Variants in ANKS1B observed in about 807,000 individuals in gnomAD.
ANKS1B encodes the protein ankyrin repeat and sterile alpha motif domain containing 1B.
In ANKS1B, 36 loss-of-function variants were observed where a neutral mutation model predicts 148.3. The ratio of observed to expected loss-of-function variants is 0.24; its 90% CI spans 0.19 to 0.32. ANKS1B has a LOEUF of 0.32. ANKS1B is among the 10% of genes least tolerant of loss of function. The probability of loss-of-function intolerance (pLI) is 1.00; values close to 1 mark genes in which losing one functional copy is unlikely to be tolerated. For missense variants in ANKS1B, 1,157 were observed against 1,542.6 expected, an observed-to-expected ratio of 0.75 and a Z score of 4.19; for synonymous variants, 542 against 560.8, an observed-to-expected ratio of 0.97 and a Z score of 0.47.
chr12:99,801,288 C>T (rs1221522054), intron 4 of ANKS1B, among the ~76,000 whole-genome samples: 1 of 152,140 alleles, frequency 6.6e-6, no homozygotes, highest in Admixed American at 6.6e-5. Flanking sequence ...GGCTAACTTA[C>T]AGCATCAAAC....
At chr12:99,856,932 G>C (rs1345036764) in intron 1 of ANKS1B, among the ~76,000 whole-genome samples, 1 of 152,164 alleles carries the variant, frequency 6.6e-6, no homozygotes, top group Non-Finnish European at 1.5e-5. Context: ...ACATTATACT[G>C]AACAGGAAAA....
chr12:99,659,954 T>C (rs1371676063), intron 8 of ANKS1B, among the ~76,000 whole-genome samples: 2 of 152,104 alleles, frequency 1.3e-5, no homozygotes, highest in Non-Finnish European at 2.9e-5. Flanking sequence ...TGTTCAAGAT[T>C]GTCAATGCAA....
At chr12:98,822,372 A>C (rs569568020) in intron 19 of ANKS1B, among the ~76,000 whole-genome samples, 1 of 152,208 alleles carries the variant, frequency 6.6e-6, no homozygotes, top group African/African-American at 2.4e-5. Context: ...AGGGCAGATT[A>C]TAACAGCCAA....
intron 12 of ANKS1B, among the ~76,000 whole-genome samples, chr12:99,364,856 A>G (rs1364800949): frequency 1.3e-5 from 2 of 152,200 alleles, no homozygotes; most frequent in South Asian, 2.1e-4. Flanking sequence ...ACTGCCACCA[A>G]TGAGGAAGAT....
chr12:99,369,983 A>G (rs1393738602), intron 12 of ANKS1B, among the ~76,000 whole-genome samples: 1 of 152,288 alleles, frequency 6.6e-6, no homozygotes, highest in East Asian at 1.9e-4. Context: ...ACTGTTTGAA[A>G]ATTTTAGTTA....
intron 12 of ANKS1B, among the ~76,000 whole-genome samples, chr12:99,312,017 T>C (rs1459553634): frequency 6.6e-6 from 1 of 152,158 alleles, no homozygotes; most frequent in Non-Finnish European, 1.5e-5. Context: ...GAGAGTGTAC[T>C]CGAAGCATTT....
intron 17 of ANKS1B, among the ~76,000 whole-genome samples, chr12:98,885,037 T>G (rs1292146198): frequency 6.6e-6 from 1 of 152,096 alleles, no homozygotes; most frequent in Admixed American, 6.5e-5. Flanking sequence ...GGCCCCAAAT[T>G]TAGAAGTCAT....
intron 17 of ANKS1B, among the ~76,000 whole-genome samples, chr12:99,022,630 C>T (rs1368046017): frequency 1.3e-5 from 2 of 152,060 alleles, no homozygotes; most frequent in Non-Finnish European, 2.9e-5. Context: ...AAGTGGCCAT[C>T]TGTGTTTTGT....
chr12:98,872,992 A>T (rs2099675887), intron 17 of ANKS1B, among the ~76,000 whole-genome samples: 3 of 152,332 alleles, frequency 2.0e-5, no homozygotes, highest in South Asian at 4.1e-4. Context: ...AGGAGGATTT[A>T]GGATAAGCTG....
intron 9 of ANKS1B, among the ~76,000 whole-genome samples, chr12:99,619,746 C>A (rs535887707): frequency 1.3e-5 from 2 of 152,288 alleles, no homozygotes; most frequent in South Asian, 2.1e-4. Flanking sequence ...CTGCCCTCAT[C>A]CCCCTGCAGA....
At chr12:99,620,349 G>C (rs1270194550) in intron 9 of ANKS1B, among the ~76,000 whole-genome samples, 1 of 152,070 alleles carries the variant, frequency 6.6e-6, no homozygotes, top group African/African-American at 2.4e-5. Flanking sequence ...ACCACCAAAG[G>C]ATCACACTAG....
intron 9 of ANKS1B, among the ~76,000 whole-genome samples, chr12:99,541,221 C>T (rs555930365): frequency 2.4e-4 from 36 of 152,044 alleles, no homozygotes; most frequent in African/African-American, 7.5e-4. Flanking sequence ...CTCACAAATG[C>T]TTCTTTAAAA....
At chr12:99,843,417 ACCCTCC>A in intron 1 of ANKS1B, among the ~76,000 whole-genome samples, 1 of 151,210 alleles carries the variant, frequency 6.6e-6, no homozygotes, top group South Asian at 2.1e-4. Context: ...CTCACCCCCA[ACCCTCC>A]AACAGGCCCT....
chr12:99,698,973 G>GTGTGTGTGTGTGTGTGTGTGT (rs56223205), intron 8 of ANKS1B, among the ~76,000 whole-genome samples: 21 of 119,436 alleles, frequency 1.8e-4, no homozygotes, highest in African/African-American at 6.7e-4. Flanking sequence ...TGTGTGTGTG[G>GTGTGTGTGTGTGTGTGTGTGT]GTGTGCACGC....
chr12:99,160,005 T>C (rs932855738), intron 14 of ANKS1B, among the ~76,000 whole-genome samples: 1 of 152,248 alleles, frequency 6.6e-6, no homozygotes, highest in African/African-American at 2.4e-5. Flanking sequence ...CGTATGTTTG[T>C]TGGCCACTTG....
At chr12:99,154,226 G>A in intron 15 of ANKS1B, 63 bp downstream of exon 15, 1 of 1,596,830 alleles carries the variant, frequency 6.3e-7, no homozygotes, top group Non-Finnish European at 8.6e-7. Flanking sequence ...TCTGAGCCAT[G>A]TAAGACACAT....
At chr12:99,712,659 G>A (rs1311887489) in intron 8 of ANKS1B, among the ~76,000 whole-genome samples, 1 of 152,190 alleles carries the variant, frequency 6.6e-6, no homozygotes, top group Non-Finnish European at 1.5e-5. Flanking sequence ...CTCTCCATCT[G>A]TGGATCTGTG....
intron 8 of ANKS1B, among the ~76,000 whole-genome samples, chr12:99,684,001 T>C (rs922774255): frequency 2.0e-5 from 3 of 152,130 alleles, no homozygotes; most frequent in Non-Finnish European, 2.9e-5. Context: ...ACAGCCAATA[T>C]TATACTGAAT....
At chr12:99,581,215 G>A (rs2097566496) in intron 9 of ANKS1B, among the ~76,000 whole-genome samples, 1 of 152,122 alleles carries the variant, frequency 6.6e-6, no homozygotes, top group Admixed American at 6.5e-5. Flanking sequence ...TAGGCACAGA[G>A]ATCAGTGGAA....
Sources: allele counts gnomAD v4.1 joint callset (sites outside exome capture counted in the v4.1 genomes callset), GRCh38; gene constraint gnomAD v4.1.1; transcripts MANE v1.5; gene names NCBI Gene and HGNC (gene_info 2026-07-23, HGNC 2026-07-21).